Variants in TMEM196 observed in about 807,000 individuals in gnomAD.
TMEM196 encodes transmembrane protein 196.
TMEM196 carries 17 observed loss-of-function variants against 20.0 expected under a neutral mutation model. That is an observed-to-expected ratio of 0.85 (90% CI 0.58 to 1.27). TMEM196 has a LOEUF of 1.27. TMEM196 is among the 50% of genes most tolerant of loss of function. TMEM196 has a pLI of 0.00. For synonymous variants in TMEM196, 113 were observed against 88.9 expected (o/e 1.27, Z -1.52); for missense variants, 267 against 223.0 (o/e 1.20, Z -1.26).
chr7:19,755,313 A>G (rs1229036244), intron 1 of TMEM196, among the ~76,000 whole-genome samples: 6 of 152,328 alleles, frequency 3.9e-5, no homozygotes, highest in Admixed American at 1.3e-4. Context: ...GACTGCTATT[A>G]AAATATATAT....
intron 1 of TMEM196, among the ~76,000 whole-genome samples, chr7:19,748,280 A>AC (rs1346219447): frequency 6.7e-6 from 1 of 150,140 alleles, no homozygotes; most frequent in African/African-American, 2.5e-5. Flanking sequence ...AAAAAAAAAA[A>AC]AAAAAAAAAA....
chr7:19,766,348 A>G (rs1007648754), intron 1 of TMEM196, among the ~76,000 whole-genome samples: 19 of 151,994 alleles, frequency 1.3e-4, no homozygotes, highest in Admixed American at 2.6e-4. Context: ...ATGAGAGTCT[A>G]ATTATCAAGG....
At chr7:19,732,025 C>T (rs1784222338) in intron 1 of TMEM196, among the ~76,000 whole-genome samples, 2 of 152,048 alleles carry the variant, frequency 1.3e-5, no homozygotes, top group African/African-American at 2.4e-5. Context: ...AATTTAGCCA[C>T]CACAGTTTAT....
chr7:19,773,244 C>G lies in TMEM196; in HGVS notation c.-548G>C, dbSNP rs1409541611. On this transcript the variant is annotated 5_prime_UTR_variant, in exon 1 of 5. Transcript: ENST00000405844. ...TTTGTTTTCGTGGCAATGCGAAGTG[C>G]TTCTGCAAGTCTCTGGGTCCCCAGG... The G allele has an allele frequency of 6.6e-6, 1 of 152,386 alleles. No homozygotes were observed. Among genetic ancestry groups the G allele is most frequent in the Admixed American group, 6.5e-5 (1 of 15,294 alleles). 9.4% of individuals were successfully genotyped at this position (152,386 alleles called of 1,614,324 possible).
chr7:19,754,204 A>G (rs946440099), intron 1 of TMEM196, among the ~76,000 whole-genome samples: 6 of 152,220 alleles, frequency 3.9e-5, no homozygotes, highest in African/African-American at 1.4e-4. Context: ...TACACTTCAT[A>G]GAATAGCTGT....
At chr7:19,736,533 G>A (rs951357189) in intron 1 of TMEM196, among the ~76,000 whole-genome samples, 1 of 151,256 alleles carries the variant, frequency 6.6e-6, no homozygotes, top group African/African-American at 2.4e-5. Context: ...AGAGTATCCG[G>A]GGTAGGACTC....
chr7:19,758,068 T>C (rs1399117664), intron 1 of TMEM196, among the ~76,000 whole-genome samples: 1 of 152,006 alleles, frequency 6.6e-6, no homozygotes, highest in Non-Finnish European at 1.5e-5. Flanking sequence ...AGATAGCAAA[T>C]GTTAATAGCC....
At position 19,720,214 on chromosome 7, in the gene TMEM196, G is replaced by A. The variant is rs995183150; in HGVS notation, c.*1914C>T. 1.3e-5 allele frequency: 2 copies of A among 152,020 alleles called. No individual in the cohort carries two copies. The highest frequency in any genetic ancestry group is 1.5e-5 in the Non-Finnish European group (1 of 67,906). 9.4% of individuals were successfully genotyped at this position (152,020 alleles called of 1,614,324 possible). ...CAACTTCTGTAATCTACTAGGCAATGAAGTTATCCAAAGGAATTGGGAGAC... is the reference window on the plus strand; with the variant it reads ...CAACTTCTGTAATCTACTAGGCAATAAAGTTATCCAAAGGAATTGGGAGAC... On this transcript the variant is annotated 3_prime_UTR_variant, in exon 5 of 5. Transcript: ENST00000405844.
intron 1 of TMEM196, among the ~76,000 whole-genome samples, chr7:19,752,389 A>C (rs1186580172): frequency 6.6e-6 from 1 of 152,084 alleles, no homozygotes; most frequent in Non-Finnish European, 1.5e-5. Flanking sequence ...TCATCACATT[A>C]ATTACAGTGT....
chr7:19,728,981 C>T (rs1784095175), intron 2 of TMEM196, among the ~76,000 whole-genome samples: 1 of 152,166 alleles, frequency 6.6e-6, no homozygotes, highest in Non-Finnish European at 1.5e-5. Flanking sequence ...TCAAAGAAAG[C>T]CAATAATCCT....
At chr7:19,745,673 G>A (rs569206719) in intron 1 of TMEM196, among the ~76,000 whole-genome samples, 1 of 148,956 alleles carries the variant, frequency 6.7e-6, no homozygotes, top group African/African-American at 2.5e-5. Flanking sequence ...ATTAAAGCAC[G>A]AATCTTCTTC....
At chr7:19,770,184 C>G (rs186766535) in intron 1 of TMEM196, among the ~76,000 whole-genome samples, 38 of 152,290 alleles carry the variant, frequency 2.5e-4, no homozygotes, top group Admixed American at 2.3e-3. Flanking sequence ...CTTTCTCCCC[C>G]TTTTTTGCCT....
intron 1 of TMEM196, among the ~76,000 whole-genome samples, chr7:19,756,087 C>A (rs563835416): frequency 0.016 from 2,313 of 143,844 alleles, 59 homozygotes; most frequent in African/African-American, 0.056. Flanking sequence ...TTCTTTTGAT[C>A]AAAAAAAAAA....
At chr7:19,754,843 C>T (rs1462874598) in intron 1 of TMEM196, among the ~76,000 whole-genome samples, 4 of 152,150 alleles carry the variant, frequency 2.6e-5, no homozygotes, top group Non-Finnish European at 4.4e-5. Context: ...ATTTTCTGAT[C>T]ACGAATCTAT....
rs189141173 is a variant in TMEM196, at chr7:19,770,296, C to A, written c.147+2254G>T. ...ATGGAGTAGTTTTTTTAAGACAGTGCTCTGACTCATCTTTATAGTATTGGT... is the reference window on the plus strand; with the variant it reads ...ATGGAGTAGTTTTTTTAAGACAGTGATCTGACTCATCTTTATAGTATTGGT... On this transcript the variant is annotated intron_variant, in intron 1 of 4. Coordinates refer to ENST00000405844, the MANE Select transcript of TMEM196 (RefSeq NM_001363562.2). Among the ~76,000 whole-genome samples, 124 of 152,162 alleles carry A rather than the reference C, an allele frequency of 8.1e-4. 1 individual carries two copies. Among genetic ancestry groups the A allele is most frequent in the African/African-American group, 2.9e-3 (122 of 41,512 alleles).
intron 1 of TMEM196, among the ~76,000 whole-genome samples, chr7:19,768,026 TG>T (rs1785706865): frequency 6.6e-6 from 1 of 152,070 alleles, no homozygotes; most frequent in South Asian, 2.1e-4. Context: ...GTTGTTGCCA[TG>T]GTAAACCAAC....
intron 1 of TMEM196, among the ~76,000 whole-genome samples, chr7:19,760,706 A>G (rs1350296991): frequency 6.6e-6 from 1 of 152,062 alleles, no homozygotes; most frequent in Admixed American, 6.6e-5. Flanking sequence ...TAATTTGTGT[A>G]TTATTTACTC....
chr7:19,724,317 A>G lies in TMEM196; in HGVS notation c.496T>C (p.Cys166Arg). 5 of 1,550,466 alleles carry G rather than the reference A, an allele frequency of 3.2e-6. No individual in the cohort carries two copies. Among genetic ancestry groups the G allele is most frequent in the Non-Finnish European group, 4.4e-6 (5 of 1,146,878 alleles). ...TCTGGTGTCGGGGGCACCACCGGGCAGCTGGGCAAGTCGGTTATTTCAATA... is the reference window on the plus strand; with the variant it reads ...TCTGGTGTCGGGGGCACCACCGGGCGGCTGGGCAAGTCGGTTATTTCAATA... ...RAIEITDLPS[C>R]PVVPPTPELP... The change falls in exon 4 of 5, where the codon TGC becomes CGC. Residue 166 changes from cysteine (C) to arginine (R), a missense_variant. Transcript: ENST00000405844.
At chr7:19,723,059 A>G (rs2128011165) in intron 4 of TMEM196, among the ~76,000 whole-genome samples, 1 of 152,262 alleles carries the variant, frequency 6.6e-6, no homozygotes. Context: ...TATTTTCTCA[A>G]TTATTTTATT....
Sources: allele counts gnomAD v4.1 joint callset (sites outside exome capture counted in the v4.1 genomes callset), GRCh38; gene constraint gnomAD v4.1.1; transcripts MANE v1.5; gene names NCBI Gene and HGNC (gene_info 2026-07-23, HGNC 2026-07-21).